Variants in KIF1A observed in about 807,000 individuals in gnomAD.
The protein encoded by KIF1A is kinesin-like protein KIF1A.
KIF1A carries 46 observed loss-of-function variants against 227.3 expected under a neutral mutation model. The ratio of observed to expected loss-of-function variants is 0.20; its 90% CI spans 0.16 to 0.26. KIF1A has a LOEUF of 0.26. Ranked by LOEUF, KIF1A falls within the 10% of genes least tolerant of loss-of-function variation. KIF1A has a pLI of 1.00. For synonymous variants in KIF1A, 1,022 were observed against 1,012.8 expected (o/e 1.01, Z -0.17); for missense variants, 1,683 against 2,485.9 (o/e 0.68, Z 6.87).
rs533141802 is a variant in KIF1A at position 240,740,410 on chromosome 2, T to G, written c.3750-46A>C. 7 of 1,516,098 alleles carry G rather than the reference T, an allele frequency of 4.6e-6. No individual in the cohort carries two copies. The East Asian group carries it at 1.6e-4, about 34-fold the overall frequency. 93.9% of individuals were successfully genotyped at this position (1,516,098 alleles called of 1,614,324 possible). ...TGAGGAGCGGCCAGCCCCTCCTCTC[T>G]GCCCTCCCCGCAGCACAGGACACAG... On this transcript the variant is annotated intron_variant, in intron 35 of 48. Coordinates refer to ENST00000498729, the MANE Select transcript of KIF1A (RefSeq NM_001244008.2). The surrounding 1 kb of genome is among the most constrained non-coding windows in gnomAD (Gnocchi z 6.1).
At position 240,746,067 on chromosome 2, in the gene KIF1A, G is replaced by A. The variant is rs200473364; in HGVS notation, c.3174C>T (p.Ala1058=). ...AACAGGTGTTGTTGTTGACTTCATC[G>A]GCTGAGGGCCCCACGTCTGCACCCT... is the stretch of plus-strand genomic sequence containing the variant. ...QGQGADVGPS[A]DEVNNNTCSA... The change falls in exon 30 of 49, where the codon GCC becomes GCT. Residue 1058 remains alanine, a synonymous_variant. Transcript: ENST00000498729. 5.0e-6 allele frequency: 8 copies of A among 1,604,060 alleles called. No individual in the cohort carries two copies. Among genetic ancestry groups the A allele is most frequent in the East Asian group, 2.2e-5 (1 of 44,484 alleles).
At chr2:240,783,507 C>T (rs1030790470) in intron 8 of KIF1A, among the ~76,000 whole-genome samples, 2 of 152,278 alleles carry the variant, frequency 1.3e-5, no homozygotes, top group South Asian at 2.1e-4. Context: ...CCTTGGGGCC[C>T]GAAAGAGGAC....
Position 240,788,947 on chromosome 2 carries a change from T to C in KIF1A, c.183+289A>G, listed in dbSNP as rs1213615623. On this transcript the variant is annotated intron_variant, in intron 3 of 48. Coordinates refer to ENST00000498729, the MANE Select transcript of KIF1A (RefSeq NM_001244008.2). The surrounding 1 kb of genome is among the most constrained non-coding windows in gnomAD (Gnocchi z 6.6). ...CTTCCAGACAGGCTCAGGGTCAGCT[T>C]TGGGCATTCTGACTTTGGGATGTCT... Among the ~76,000 whole-genome samples, 1 of 151,972 alleles carries C rather than the reference T, an allele frequency of 6.6e-6. No homozygotes were observed.
intron 7 of KIF1A, 96 bp downstream of exon 7, chr2:240,784,893 C>T (rs1367860835): frequency 2.0e-6 from 2 of 982,034 alleles, no homozygotes; most frequent in Non-Finnish European, 1.6e-6. Context: ...AGCATTGGGC[C>T]TGTCCTTGTG....
chr2:240,812,581 GGGATCTGCCTTCACCTCA>G (rs2057952482), intron 1 of KIF1A, among the ~76,000 whole-genome samples: 1 of 151,286 alleles, frequency 6.6e-6, no homozygotes, highest in Non-Finnish European at 1.5e-5. Flanking sequence ...ATTCACCTCA[GGGATCTGCCTTCACCTCA>G]GGATCTGCCT....
At chr2:240,785,846 C>T (rs1405244605) in intron 6 of KIF1A, among the ~76,000 whole-genome samples, 1 of 152,216 alleles carries the variant, frequency 6.6e-6, no homozygotes, top group Non-Finnish European at 1.5e-5. Flanking sequence ...CTCAGGAAGT[C>T]CCGGGTGGCA....
chr2:240,775,935 G>C lies in KIF1A; in HGVS notation c.883-9C>G, dbSNP rs533309945. On this transcript the variant is annotated splice_polypyrimidine_tract_variant and intron_variant, in intron 10 of 48. Coordinates refer to ENST00000498729, the MANE Select transcript of KIF1A (RefSeq NM_001244008.2). This position sits in a 1 kb window ranked among gnomAD's most constrained non-coding sequence, Gnocchi z 5.5. ...TTCTTCTTTTTCTTGTTCTGTGGGG[G>C]AGGAACATTCAAGGTCAAGCCCGAG... is the stretch of plus-strand genomic sequence containing the variant. 13 of 1,594,538 alleles carry C rather than the reference G, an allele frequency of 8.2e-6. No homozygotes were observed. The Admixed American group carries it at 2.0e-4, about 25-fold the overall frequency.
At chr2:240,763,493 TG>T in intron 20 of KIF1A, 147 bp from the exon 21 acceptor site, 1 of 739,712 alleles carries the variant, frequency 1.4e-6, no homozygotes, top group South Asian at 1.9e-5. Context: ...CAGCCCTCGC[TG>T]GGACCTGAAT....
At chr2:240,786,771 CATCAGG>C (rs1575633854) in intron 5 of KIF1A, among the ~76,000 whole-genome samples, 1 of 100,622 alleles carries the variant, frequency 9.9e-6, no homozygotes, top group Non-Finnish European at 2.2e-5. Context: ...TAGGGGCCAC[CATCAGG>C]ACCCCTGAGT....
intron 10 of KIF1A, among the ~76,000 whole-genome samples, chr2:240,777,111 G>A (rs1007814832): frequency 5.3e-5 from 8 of 152,070 alleles, no homozygotes; most frequent in Admixed American, 1.3e-4. Context: ...TGGCACGATC[G>A]CGGCTCACTG....
intron 38 of KIF1A, among the ~76,000 whole-genome samples, chr2:240,727,542 G>A (rs1321883328): frequency 6.6e-6 from 1 of 152,234 alleles, no homozygotes; most frequent in Non-Finnish European, 1.5e-5. Context: ...GAAGAGGAAG[G>A]CCCCGGGGGG....
At chr2:240,773,423 T>A (rs1385402218) in intron 12 of KIF1A, among the ~76,000 whole-genome samples, 167 bp from the exon 13 acceptor site, 2 of 152,072 alleles carry the variant, frequency 1.3e-5, no homozygotes, top group Non-Finnish European at 2.9e-5. Flanking sequence ...ATCGCCCCCA[T>A]GGCAAGTCGC....
At chr2:240,724,177 C>T in intron 40 of KIF1A, 141 bp from the exon 41 acceptor site, 2 of 744,458 alleles carry the variant, frequency 2.7e-6, no homozygotes, top group East Asian at 2.6e-5. Flanking sequence ...CCCTGAGCTA[C>T]AGCCCCTGTT....
In KIF1A at chr2:240,726,971, G is replaced by C; in HGVS notation, c.4008-31C>G. ...AGGAAGCAGAGACAAAGTAGAAGTT[G>C]ATGGCGTGGGGGCTGCTTTCAGCCA... On this transcript the variant is annotated intron_variant, in intron 38 of 48. Coordinates refer to ENST00000498729, the MANE Select transcript of KIF1A (RefSeq NM_001244008.2). The surrounding 1 kb of genome is among the most constrained non-coding windows in gnomAD (Gnocchi z 5.2). The C allele has an allele frequency of 1.5e-6, 2 of 1,361,562 alleles. No homozygotes were observed. Among genetic ancestry groups the C allele is most frequent in the African/African-American group, 1.4e-5 (1 of 70,016 alleles). The allele number at this position is 1,361,562 out of a possible 1,614,324, so 84.3% of individuals were successfully genotyped here.
At chr2:240,749,474 T>C (rs2048974464) in intron 28 of KIF1A, among the ~76,000 whole-genome samples, 1 of 152,166 alleles carries the variant, frequency 6.6e-6, no homozygotes. Context: ...TGTCTGTCTG[T>C]ACTACTCCCT....
At chr2:240,811,083 C>T (rs543596279) in intron 1 of KIF1A, among the ~76,000 whole-genome samples, 93 of 152,246 alleles carry the variant, frequency 6.1e-4, no homozygotes, top group Non-Finnish European at 1.0e-3. Context: ...AACTATTGGC[C>T]GCGTGCAGTG....
chr2:240,757,911 A>C lies in KIF1A; in HGVS notation c.2583-317T>G, dbSNP rs1358746851. 6.6e-6 allele frequency among the ~76,000 whole-genome samples: 1 copy of C among 152,190 alleles called. No individual in the cohort carries two copies. The highest frequency in any genetic ancestry group is 2.4e-5 in the African/African-American group (1 of 41,446). ...AGTTTGGCCACGTTGAGGCCTCAGA[A>C]TACCACGGTCCCATGGGGTGAAGGG... is the stretch of plus-strand genomic sequence containing the variant. On this transcript the variant is annotated intron_variant, in intron 26 of 48. Transcript: ENST00000498729. This position sits in a 1 kb window ranked among gnomAD's most constrained non-coding sequence, Gnocchi z 6.2.
chr2:240,780,626 C>A (rs1010023001), intron 10 of KIF1A, among the ~76,000 whole-genome samples: 2 of 152,016 alleles, frequency 1.3e-5, no homozygotes, highest in Admixed American at 1.3e-4. Context: ...AGCTCATGTT[C>A]CCACGCAGCT....
Position 240,788,041 on chromosome 2 carries a change from CGCTTCGTG to C in KIF1A, c.363+2_363+9del. 2.6e-6 allele frequency: 4 copies of C among 1,520,634 alleles called. No individual in the cohort carries two copies. The highest frequency in any genetic ancestry group is 1.4e-5 in the African/African-American group (1 of 72,548). 94.2% of individuals were successfully genotyped at this position (1,520,634 alleles called of 1,614,324 possible). A position where few individuals can be genotyped will look rare whatever the true frequency, so the allele number is the denominator to read the frequency against. On this transcript the variant is annotated splice_donor_variant and splice_donor_5th_base_variant and intron_variant, in intron 4 of 48. Coordinates refer to ENST00000498729, the MANE Select transcript of KIF1A (RefSeq NM_001244008.2). LOFTEE classifies it high-confidence loss of function. This position sits in a 1 kb window ranked among gnomAD's most constrained non-coding sequence, Gnocchi z 6.6. ...GCCAGGGCTGCCCCCGCCCGCCCCC[CGCTTCGTG>C]CCTGTGGGATGATGCCCTGCTGGTC... is the stretch of plus-strand genomic sequence containing the variant.
Sources: allele counts gnomAD v4.1 joint callset (sites outside exome capture counted in the v4.1 genomes callset), GRCh38; gene constraint gnomAD v4.1.1; non-coding constraint Gnocchi (gnomAD v3.1); transcripts MANE v1.5; gene names NCBI Gene and HGNC (gene_info 2026-07-23, HGNC 2026-07-21).